Variants in ISCA1 observed in about 807,000 individuals in gnomAD.
ISCA1 encodes the protein iron-sulfur cluster assembly 1, also known as iron-sulfur cluster assembly 1 homolog, mitochondrial.
ISCA1 carries 9 observed loss-of-function variants against 14.7 expected under a neutral mutation model. The ratio of observed to expected loss-of-function variants is 0.61; its 90% CI spans 0.37 to 1.07. The LOEUF (loss-of-function observed/expected upper bound fraction) is 1.07, where lower values mean the gene tolerates loss of function less well. ISCA1 is among the 50% of genes least tolerant of loss of function. The pLI is 0.01. For synonymous variants in ISCA1, 38 were observed against 54.3 expected (o/e 0.70, Z 1.32); for missense variants, 102 against 150.1 (o/e 0.68, Z 1.67).
In ISCA1 at chr9:86,274,260, T is replaced by C. The variant is rs370562754; in HGVS notation, c.82-18A>G. On this transcript the variant is annotated intron_variant, in intron 1 of 3. Transcript: ENST00000375991. Reference sequence around the variant, plus strand: ...GAAGGTGTCTGAAAAAAGAAAATGATGTTTTTAGCTACAAAACTTGTTATT... The same window carrying C: ...GAAGGTGTCTGAAAAAAGAAAATGACGTTTTTAGCTACAAAACTTGTTATT... 9.8e-6 allele frequency: 15 copies of C among 1,525,710 alleles called. No homozygotes were observed. The East Asian group carries it at 1.6e-4, about 16-fold the overall frequency. The allele number at this position is 1,525,710 out of a possible 1,614,324, so 94.5% of individuals were successfully genotyped here.
intron 1 of ISCA1, among the ~76,000 whole-genome samples, chr9:86,280,594 CAAAAAAA>C (rs59525482): frequency 9.2e-5 from 9 of 97,880 alleles, no homozygotes; most frequent in Non-Finnish European, 1.9e-4. Context: ...AACCCTGTCT[CAAAAAAA>C]AAAAAAAAAA....
At chr9:86,270,612 C>T (rs1404203075) in intron 3 of ISCA1, among the ~76,000 whole-genome samples, 2 of 151,776 alleles carry the variant, frequency 1.3e-5, no homozygotes, top group African/African-American at 2.4e-5. Flanking sequence ...CAAAGGACTA[C>T]AAATCATGCT....
intron 1 of ISCA1, among the ~76,000 whole-genome samples, chr9:86,278,330 A>G (rs780154891): frequency 7.2e-5 from 11 of 152,094 alleles, no homozygotes; most frequent in Admixed American, 3.9e-4. Context: ...TTATTTGTGT[A>G]TATGTGTATA....
rs1283315179 is a variant in ISCA1 at position 86,282,538 on chromosome 9, T to C, written c.-80A>G. ...CTCTCCATGGACACGGCGGGCGCATTGACGCCACAAGCTTCGGCGCACGGC... is the reference window on the plus strand; with the variant it reads ...CTCTCCATGGACACGGCGGGCGCATCGACGCCACAAGCTTCGGCGCACGGC... On this transcript the variant is annotated 5_prime_UTR_variant, in exon 1 of 4. Transcript: ENST00000375991. The C allele has an allele frequency of 1.3e-6, 2 of 1,549,174 alleles. No individual in the cohort carries two copies. Among genetic ancestry groups the C allele is most frequent in the Non-Finnish European group, 1.7e-6 (2 of 1,146,318 alleles).
chr9:86,275,156 T>C (rs867605353), intron 1 of ISCA1, among the ~76,000 whole-genome samples: 1 of 152,128 alleles, frequency 6.6e-6, no homozygotes, highest in Non-Finnish European at 1.5e-5. Context: ...GGATTAAATA[T>C]TTAAACTCAT....
At chr9:86,266,404 G>A (rs1298143029) in intron 3 of ISCA1, among the ~76,000 whole-genome samples, 1 of 152,072 alleles carries the variant, frequency 6.6e-6, no homozygotes, top group Non-Finnish European at 1.5e-5. Flanking sequence ...CACATTAGGG[G>A]AGAATTTTAT....
intron 2 of ISCA1, among the ~76,000 whole-genome samples, chr9:86,272,871 T>C (rs1450005318): frequency 2.6e-5 from 4 of 152,264 alleles, no homozygotes; most frequent in African/African-American, 9.6e-5. Context: ...CTGTATTGTT[T>C]AGAGAATGAA....
intron 3 of ISCA1, 54 bp downstream of exon 3, chr9:86,271,953 G>T: frequency 1.1e-6 from 1 of 932,954 alleles, no homozygotes; most frequent in South Asian, 1.3e-5. Context: ...GCTGTGCAAG[G>T]CTAATAATTT....
In ISCA1 at chr9:86,267,705, C is replaced by T. The variant is rs923198300; in HGVS notation, c.242-1514G>A. The T allele has an allele frequency of 1.7e-5, 8 of 468,670 alleles. No individual in the cohort carries two copies. In the South Asian group the frequency reaches 2.7e-4, roughly 16 times the overall value. 29.0% of individuals were successfully genotyped at this position (468,670 alleles called of 1,614,324 possible). Reference sequence around the variant, plus strand: ...AAAATGAACCAGGCATGGTGGTGGGCGCCTATAATCCCAGCTACTTGGGAG... The same window carrying T: ...AAAATGAACCAGGCATGGTGGTGGGTGCCTATAATCCCAGCTACTTGGGAG... On this transcript the variant is annotated intron_variant, in intron 3 of 3. Transcript: ENST00000375991.
chr9:86,281,864 G>C (rs1825520904), intron 1 of ISCA1: 1 of 154,210 alleles, frequency 6.5e-6, no homozygotes, highest in African/African-American at 2.4e-5. Context: ...CCGTGACCTC[G>C]GCAGGAGCCG....
rs958206370 is a variant in ISCA1 at position 86,271,576 on chromosome 9, T to C, written c.241+431A>G. On this transcript the variant is annotated intron_variant, in intron 3 of 3. Coordinates refer to ENST00000375991, the MANE Select transcript of ISCA1 (RefSeq NM_030940.4). The stretch of plus-strand genomic sequence containing the variant: ...ATTGGAATGCTCAACTCGTACTTAT[T>C]TGACACAGATATAAAACTACTGCTT... Among the ~76,000 whole-genome samples the C allele has an allele frequency of 2.6e-5, 4 of 152,340 alleles. No homozygotes were observed. In the East Asian group the frequency reaches 5.8e-4, roughly 22 times the overall value.
chr9:86,273,754 A>C (rs1267533315), intron 2 of ISCA1, among the ~76,000 whole-genome samples: 2 of 152,076 alleles, frequency 1.3e-5, no homozygotes, highest in African/African-American at 4.8e-5. Context: ...CTTTTACTCT[A>C]TACAGTCACC....
intron 3 of ISCA1, among the ~76,000 whole-genome samples, chr9:86,270,288 G>C (rs1825352552): frequency 6.6e-6 from 1 of 150,654 alleles, no homozygotes; most frequent in Non-Finnish European, 1.5e-5. Context: ...CAAAGGACAT[G>C]AACAGACACT....
intron 3 of ISCA1, among the ~76,000 whole-genome samples, chr9:86,271,070 TACCCTAAA>T (rs1173478552): frequency 1.3e-5 from 2 of 151,306 alleles, no homozygotes; most frequent in African/African-American, 4.9e-5. Context: ...TGTGCACATG[TACCCTAAA>T]ACTTAAAGTA....
intron 1 of ISCA1, among the ~76,000 whole-genome samples, chr9:86,276,285 C>T (rs985909404): frequency 4.6e-5 from 7 of 152,048 alleles, no homozygotes; most frequent in Non-Finnish European, 7.4e-5. Context: ...GATGATCTGA[C>T]AGGAGGTGGA....
chr9:86,282,228 AG>A, intron 1 of ISCA1, 149 bp downstream of exon 1: 1 of 778,992 alleles, frequency 1.3e-6, no homozygotes, highest in Admixed American at 3.1e-5. Flanking sequence ...GAGGCGAAGG[AG>A]GCGGCGAGGC....
At chr9:86,269,980 A>G (rs1246680941) in intron 3 of ISCA1, among the ~76,000 whole-genome samples, 1 of 151,752 alleles carries the variant, frequency 6.6e-6, no homozygotes, top group East Asian at 1.9e-4. Context: ...ACCTAAAACC[A>G]TAAAAACCCT....
chr9:86,280,110 G>C (rs1476121390), intron 1 of ISCA1, among the ~76,000 whole-genome samples: 3 of 152,204 alleles, frequency 2.0e-5, no homozygotes, highest in Non-Finnish European at 4.4e-5. Flanking sequence ...AGTGTGGAGA[G>C]AGACCAAGCC....
In ISCA1 at chr9:86,266,046, A is replaced by C. The variant is rs754500672; in HGVS notation, c.387T>G (p.Ile129Met). 1.2e-6 allele frequency: 2 copies of C among 1,611,902 alleles called. No homozygotes were observed. Among genetic ancestry groups the C allele is most frequent in the South Asian group, 2.2e-5 (2 of 90,918 alleles). Residue 129 changes from isoleucine to methionine, a missense_variant, in exon 4 of 4, where the codon ATT becomes ATG. Transcript: ENST00000375991. Reference protein sequence around the residue: ...GTCGCGESFNI With the variant: ...GTCGCGESFNM ...CGGCCAGAAGAGTCCTGAGATTTCAAATATTAAAGCTTTCTCCACAGCCAC... is the reference window on the plus strand; with the variant it reads ...CGGCCAGAAGAGTCCTGAGATTTCACATATTAAAGCTTTCTCCACAGCCAC...
Sources: allele counts gnomAD v4.1 joint callset (sites outside exome capture counted in the v4.1 genomes callset), GRCh38; gene constraint gnomAD v4.1.1; transcripts MANE v1.5; gene names NCBI Gene and HGNC (gene_info 2026-07-23, HGNC 2026-07-21).